The following CACNA2D2 variants were observed in gnomAD, a reference collection of about 807,000 sequenced individuals.
CACNA2D2 encodes the protein voltage-dependent calcium channel subunit alpha-2/delta-2.
A neutral mutation model predicts 166.4 loss-of-function variants in CACNA2D2; 48 were observed. The observed-to-expected ratio is 0.29, with a 90% confidence interval of 0.23 to 0.37. The LOEUF (loss-of-function observed/expected upper bound fraction) is 0.37, where lower values mean the gene tolerates loss of function less well. Ranked by LOEUF, CACNA2D2 falls within the 10% of genes least tolerant of loss-of-function variation. The pLI is 1.00. For missense variants in CACNA2D2, 1,122 were observed against 1,433.0 expected (o/e 0.78, Z 3.50); for synonymous variants, 561 against 573.7 (o/e 0.98, Z 0.32).
chr3:50,490,885 G>A (rs1278037358), intron 1 of CACNA2D2, among the ~76,000 whole-genome samples: 1 of 152,194 alleles, frequency 6.6e-6, no homozygotes, highest in East Asian at 1.9e-4. Context: ...CTCTGACCCA[G>A]ACAAGGAGGT....
In CACNA2D2 at chr3:50,379,908, C is replaced by T. The variant is rs1705214350; in HGVS notation, c.893+60G>A. 1.9e-6 allele frequency: 3 copies of T among 1,611,736 alleles called. No homozygotes were observed. Among genetic ancestry groups the T allele is most frequent in the Non-Finnish European group, 2.5e-6 (3 of 1,178,130 alleles). On this transcript the variant is annotated intron_variant, in intron 9 of 37. Coordinates refer to ENST00000424201, the MANE Select transcript of CACNA2D2 (RefSeq NM_006030.4). This position sits in a 1 kb window ranked among gnomAD's most constrained non-coding sequence, Gnocchi z 6.5. ...CCATCCCCCAAGATGTTCAGGGCAG[C>T]AGAGTCTAGCCCATTGCCCGTCCCT...
chr3:50,485,512 T>C (rs1698242013), intron 1 of CACNA2D2, among the ~76,000 whole-genome samples: 1 of 152,196 alleles, frequency 6.6e-6, no homozygotes, highest in East Asian at 1.9e-4. Context: ...CCGTATTGAG[T>C]AAATAATCAT....
At chr3:50,452,645 G>A (rs925577097) in intron 2 of CACNA2D2, among the ~76,000 whole-genome samples, 3 of 152,240 alleles carry the variant, frequency 2.0e-5, no homozygotes, top group Non-Finnish European at 4.4e-5. Flanking sequence ...GACAAGGCAA[G>A]ACTGAGTAAG....
chr3:50,365,977 C>T lies in CACNA2D2; in HGVS notation c.2862+34G>A. ...TCTGTGGGCAGGTCTCCCAGTCCCC[C>T]CCATCTCCAGTCCAGGCATCTCTGG... On this transcript the variant is annotated intron_variant, in intron 32 of 37. Coordinates refer to ENST00000424201, the MANE Select transcript of CACNA2D2 (RefSeq NM_006030.4). The surrounding 1 kb of genome is among the most constrained non-coding windows in gnomAD (Gnocchi z 4.5). The T allele has an allele frequency of 1.9e-6, 3 of 1,610,698 alleles. No homozygotes were observed. Among genetic ancestry groups the T allele is most frequent in the South Asian group, 1.1e-5 (1 of 90,944 alleles).
rs998005566 is a variant in CACNA2D2, at chr3:50,367,891, G to T, written c.2155C>A (p.Leu719Ile). ...TPDSKQCNNF[L>I]LHNLILDTGI... ...GTGTCCAAGATCAGGTTGTGCAGAA[G>T]GAAGTTGTTGCCTGGAACAGGAGGG... is the stretch of plus-strand genomic sequence containing the variant. Residue 719 changes from leucine (L) to isoleucine (I), a missense_variant, in exon 25 of 38, where the codon CTT becomes ATT. By Grantham distance (5) the Leu-to-Ile change is conservative (BLOSUM62 2). Coordinates refer to ENST00000424201, the MANE Select transcript of CACNA2D2 (RefSeq NM_006030.4). The surrounding 1 kb of genome is among the most constrained non-coding windows in gnomAD (Gnocchi z 6.5). The T allele has an allele frequency of 4.1e-6, 6 of 1,463,008 alleles. No individual in the cohort carries two copies. Among genetic ancestry groups the T allele is most frequent in the Non-Finnish European group, 5.7e-6 (6 of 1,058,714 alleles). The allele number at this position is 1,463,008 out of a possible 1,614,324, so 90.6% of individuals were successfully genotyped here. A position where few individuals can be genotyped will look rare whatever the true frequency, so the allele number is the denominator to read the frequency against.
rs75035105 is a variant in CACNA2D2, at chr3:50,407,274, C to T, written c.406-13106G>A. Among the ~76,000 whole-genome samples, 723 of 151,940 alleles carry T rather than the reference C, an allele frequency of 4.8e-3. 7 individuals are homozygous for T. The highest frequency in any genetic ancestry group is 0.016 in the African/African-American group (681 of 41,586). On this transcript the variant is annotated intron_variant, in intron 3 of 37. Coordinates refer to ENST00000424201, the MANE Select transcript of CACNA2D2 (RefSeq NM_006030.4). ...AGCCTGGACCTGTACTGAGGCATCA[C>T]AGGTCAGGGCCAGATCTCTCTCCTG...
At chr3:50,440,123 G>C (rs896357614) in intron 2 of CACNA2D2, among the ~76,000 whole-genome samples, 1 of 152,200 alleles carries the variant, frequency 6.6e-6, no homozygotes, top group African/African-American at 2.4e-5. Context: ...TTCTTGATGG[G>C]ACTGAGGGGC....
intron 2 of CACNA2D2, among the ~76,000 whole-genome samples, chr3:50,442,390 T>C (rs993408409): frequency 3.3e-5 from 5 of 152,212 alleles, no homozygotes; most frequent in African/African-American, 1.2e-4. Context: ...GCTGAGTGCC[T>C]GCCCAAGAAG....
intron 2 of CACNA2D2, among the ~76,000 whole-genome samples, chr3:50,443,569 C>T (rs981377628): frequency 2.0e-5 from 3 of 152,200 alleles, no homozygotes; most frequent in Non-Finnish European, 4.4e-5. Flanking sequence ...CAGACTAGCC[C>T]GGCCTGCCCT....
chr3:50,365,950 C>A lies in CACNA2D2; in HGVS notation c.2862+61G>T. 1 of 1,610,728 alleles carries A rather than the reference C, an allele frequency of 6.2e-7. No individual in the cohort carries two copies. The highest frequency in any genetic ancestry group is 8.5e-7 in the Non-Finnish European group (1 of 1,178,334). ...TTATCAAATGTCAGAGGTAGGGGGT[C>A]ATCTGTGGGCAGGTCTCCCAGTCCC... On this transcript the variant is annotated intron_variant, in intron 32 of 37. Transcript: ENST00000424201. The surrounding 1 kb of genome is among the most constrained non-coding windows in gnomAD (Gnocchi z 4.5).
chr3:50,500,657 T>C (rs1002898292), intron 1 of CACNA2D2, among the ~76,000 whole-genome samples: 19 of 152,046 alleles, frequency 1.2e-4, no homozygotes, highest in Admixed American at 1.2e-3. Flanking sequence ...GCCGGACAAG[T>C]GCACATACAT....
At position 50,393,095 on chromosome 3, in the gene CACNA2D2, C is replaced by T. The variant is rs564300910; in HGVS notation, c.465+1014G>A. 3.2e-4 allele frequency among the ~76,000 whole-genome samples: 48 copies of T among 152,212 alleles called. 1 individual carries two copies. The highest frequency in any genetic ancestry group is 1.5e-3 in the South Asian group (7 of 4,818). ...AGCATAGGCATGAGCCCCTGACACC[C>T]GACAGCCAGCTGTGAATCTCTGCCA... On this transcript the variant is annotated intron_variant, in intron 4 of 37. Transcript: ENST00000424201.
chr3:50,424,839 C>T lies in CACNA2D2; in HGVS notation c.405+9474G>A, dbSNP rs185334045. Among the ~76,000 whole-genome samples, 396 of 152,262 alleles carry T rather than the reference C, an allele frequency of 2.6e-3. 3 individuals carry two copies. The highest frequency in any genetic ancestry group is 8.8e-3 in the African/African-American group (364 of 41,550). ...GCCCCTGCCCGGGTCACCATGGCAC[C>T]TGGAGCCAGTGAAACCTCAGGGGTT... On this transcript the variant is annotated intron_variant, in intron 3 of 37. Coordinates refer to ENST00000424201, the MANE Select transcript of CACNA2D2 (RefSeq NM_006030.4).
intron 2 of CACNA2D2, among the ~76,000 whole-genome samples, chr3:50,451,161 T>C (rs367557078): frequency 2.2e-4 from 34 of 152,064 alleles, no homozygotes; most frequent in African/African-American, 8.0e-4. Context: ...GTTTCACTTT[T>C]GTTGCCCAGG....
chr3:50,365,481 G>C lies in CACNA2D2; in HGVS notation c.2973C>G (p.Asp991Glu). ...CGGGGCTCCCCTCGGCCTCCGCGGG[G>C]TCTGCGAGGGCCCAGAGCGCCTCAG... is the stretch of plus-strand genomic sequence containing the variant. ...GLIYHSWFQA[D>E]PAEAEGSPET... The change falls in exon 35 of 38, where the codon GAC (aspartate) becomes GAG (glutamate). Residue 991 changes from aspartate (D) to glutamate (E), a missense_variant and splice_region_variant. This residue lies in a region of CACNA2D2 where 282 missense variants were observed against 266.2 expected (regional missense o/e 1.06). Transcript: ENST00000424201. The surrounding 1 kb of genome is among the most constrained non-coding windows in gnomAD (Gnocchi z 4.5). The C allele has an allele frequency of 6.2e-7, 1 of 1,613,202 alleles. No homozygotes were observed. Among genetic ancestry groups the C allele is most frequent in the Non-Finnish European group, 8.5e-7 (1 of 1,179,826 alleles).
chr3:50,442,555 C>T (rs1470438474), intron 2 of CACNA2D2, among the ~76,000 whole-genome samples: 3 of 152,256 alleles, frequency 2.0e-5, no homozygotes, highest in African/African-American at 2.4e-5. Flanking sequence ...GGATGATGCA[C>T]GACCTCATGT....
chr3:50,429,845 G>A (rs1237026244), intron 3 of CACNA2D2, among the ~76,000 whole-genome samples: 9 of 150,794 alleles, frequency 6.0e-5, no homozygotes, highest in Non-Finnish European at 3.0e-5. Flanking sequence ...CTGATGCCCC[G>A]CCCCTCCACC....
rs1321121904 is a variant in CACNA2D2 at position 50,396,261 on chromosome 3, C to T, written c.406-2093G>A. Among the ~76,000 whole-genome samples the T allele has an allele frequency of 2.6e-5, 4 of 152,136 alleles. No homozygotes were observed. The South Asian group carries it at 6.2e-4, about 24-fold the overall frequency. ...CATTCCACCCCAGCATCCCTCACAC[C>T]ACCTCCTGTGCACCCCCAGCTCAGG... is the stretch of plus-strand genomic sequence containing the variant. On this transcript the variant is annotated intron_variant, in intron 3 of 37. Transcript: ENST00000424201.
In CACNA2D2 at chr3:50,375,673, G is replaced by C. The variant is rs1704934226; in HGVS notation, c.1878C>G (p.Thr626=). 6.2e-7 allele frequency: 1 copy of C among 1,613,256 alleles called. No homozygotes were observed. The highest frequency in any genetic ancestry group is 1.1e-5 in the South Asian group (1 of 91,082). ...RYIDEVTRNY[T]WVPIRSTNYS... ...AGTTAGTGCTCCTTATAGGCACCCA[G>C]GTGTAGTTCCGTGTCACCTCATCTA... Residue 626 remains threonine (T), a synonymous_variant, in exon 21 of 38, where the codon ACC becomes ACG. Coordinates refer to ENST00000424201, the MANE Select transcript of CACNA2D2 (RefSeq NM_006030.4). This position sits in a 1 kb window ranked among gnomAD's most constrained non-coding sequence, Gnocchi z 4.0.
Sources: allele counts gnomAD v4.1 joint callset (sites outside exome capture counted in the v4.1 genomes callset), GRCh38; gene constraint gnomAD v4.1.1; regional missense constraint gnomAD v4.1.1; non-coding constraint Gnocchi (gnomAD v3.1); transcripts MANE v1.5; gene names NCBI Gene and HGNC (gene_info 2026-07-23, HGNC 2026-07-21).